The following TMEM132B variants were observed in gnomAD, a reference collection of about 807,000 sequenced individuals.
TMEM132B encodes the protein transmembrane protein 132B.
TMEM132B carries 18 observed loss-of-function variants against 90.8 expected under a neutral mutation model. The observed-to-expected ratio is 0.20, with a 90% CI of 0.14 to 0.29. The LOEUF (loss-of-function observed/expected upper bound fraction) is 0.29. TMEM132B is among the 10% of genes least tolerant of loss of function. The probability of loss-of-function intolerance (pLI) is 1.00; values close to 1 mark genes in which losing one functional copy is unlikely to be tolerated. For synonymous variants in TMEM132B, 504 were observed against 523.3 expected (o/e 0.96, Z 0.50); for missense variants, 1,096 against 1,326.8 (o/e 0.83, Z 2.70).
At chr12:125,295,320 G>A (rs1486858524) in intron 1 of TMEM132B, among the ~76,000 whole-genome samples, 4 of 152,168 alleles carry the variant, frequency 2.6e-5, no homozygotes, top group Non-Finnish European at 5.9e-5. Flanking sequence ...TGAGATGTTC[G>A]AGGGAAGGTC....
intron 2 of TMEM132B, among the ~76,000 whole-genome samples, chr12:125,390,308 A>G (rs191614481): frequency 1.9e-3 from 289 of 152,382 alleles, no homozygotes; most frequent in Non-Finnish European, 3.2e-3. Context: ...AACTACTGCT[A>G]TATGCAATAG....
At chr12:125,425,021 C>T (rs534165189) in intron 3 of TMEM132B, among the ~76,000 whole-genome samples, 3 of 151,708 alleles carry the variant, frequency 2.0e-5, no homozygotes, top group South Asian at 2.1e-4. Flanking sequence ...TTGGGATATG[C>T]GAGTCCAGCA....
intron 4 of TMEM132B, among the ~76,000 whole-genome samples, chr12:125,541,860 A>G (rs1210218255): frequency 6.6e-6 from 1 of 151,610 alleles, no homozygotes; most frequent in Admixed American, 6.6e-5. Context: ...TCTACTAAAA[A>G]AAAATATATA....
At chr12:125,441,348 A>G (rs1880864146) in intron 3 of TMEM132B, among the ~76,000 whole-genome samples, 1 of 152,250 alleles carries the variant, frequency 6.6e-6, no homozygotes, top group South Asian at 2.1e-4. Flanking sequence ...TATGATTAAT[A>G]TGCAAACAAA....
At chr12:125,512,044 G>C (rs1882995948) in intron 3 of TMEM132B, among the ~76,000 whole-genome samples, 1 of 152,060 alleles carries the variant, frequency 6.6e-6, no homozygotes, top group South Asian at 2.1e-4. Context: ...AGTGGAAATA[G>C]GTACGTGAAT....
At chr12:125,449,108 A>C (rs1283840662) in intron 3 of TMEM132B, among the ~76,000 whole-genome samples, 1 of 151,632 alleles carries the variant, frequency 6.6e-6, no homozygotes, top group Non-Finnish European at 1.5e-5. Flanking sequence ...CTGGGACTAC[A>C]GGCGCCCACC....
chr12:125,397,097 A>G (rs1263714276), intron 2 of TMEM132B, among the ~76,000 whole-genome samples: 2 of 151,282 alleles, frequency 1.3e-5, no homozygotes, highest in Admixed American at 6.6e-5. Context: ...TCAGCCTCCC[A>G]GTTAGCTGGG....
At chr12:125,541,898 A>G (rs554657767) in intron 4 of TMEM132B, among the ~76,000 whole-genome samples, 1 of 151,796 alleles carries the variant, frequency 6.6e-6, no homozygotes, top group South Asian at 2.1e-4. Context: ...GGTGGCGGGC[A>G]CCTGTAGTCC....
intron 3 of TMEM132B, among the ~76,000 whole-genome samples, chr12:125,496,082 G>A (rs2136581677): frequency 6.6e-6 from 1 of 152,208 alleles, no homozygotes; most frequent in South Asian, 2.1e-4. Context: ...CAATCCTGTG[G>A]GCTCTTCACT....
intron 4 of TMEM132B, among the ~76,000 whole-genome samples, chr12:125,572,549 T>C (rs1463547695): frequency 6.6e-6 from 1 of 152,234 alleles, no homozygotes; most frequent in Non-Finnish European, 1.5e-5. Flanking sequence ...TTACCCAGTC[T>C]GTGGCATTCT....
intron 5 of TMEM132B, among the ~76,000 whole-genome samples, chr12:125,633,668 G>GA (rs1391620387): frequency 1.3e-5 from 2 of 150,876 alleles, no homozygotes; most frequent in African/African-American, 4.8e-5. Context: ...GTTTCTTGCA[G>GA]ACGCATAGTG....
intron 5 of TMEM132B, among the ~76,000 whole-genome samples, chr12:125,628,643 C>T (rs1340414537): frequency 6.6e-6 from 1 of 152,056 alleles, no homozygotes; most frequent in East Asian, 1.9e-4. Context: ...GCAGAAGCCT[C>T]TTAACTTGAT....
In TMEM132B at chr12:125,377,226, C is replaced by T. The variant is rs79087736; in HGVS notation, c.959+26883C>T. Among the ~76,000 whole-genome samples the T allele has an allele frequency of 2.3e-4, 35 of 152,254 alleles. 1 individual carries two copies. The highest frequency in any genetic ancestry group is 5.2e-4 in the Admixed American group (8 of 15,296). ...TTACTTCAGTTGATGGGGAACTGCT[C>T]CTAGGGGCATGAAATGGAGAGAGTT... On this transcript the variant is annotated intron_variant, in intron 2 of 8. Coordinates refer to ENST00000682704, the MANE Select transcript of TMEM132B (RefSeq NM_001366854.1).
chr12:125,336,815 G>A (rs1876977318), intron 1 of TMEM132B, among the ~76,000 whole-genome samples: 1 of 152,214 alleles, frequency 6.6e-6, no homozygotes, highest in African/African-American at 2.4e-5. Flanking sequence ...CTCCAGCCCA[G>A]GTGTCTGTCT....
intron 5 of TMEM132B, among the ~76,000 whole-genome samples, chr12:125,624,677 A>C (rs1886186848): frequency 6.6e-6 from 1 of 152,102 alleles, no homozygotes; most frequent in African/African-American, 2.4e-5. Context: ...AAAAATTGCT[A>C]CTCAAATTTA....
intron 1 of TMEM132B, among the ~76,000 whole-genome samples, chr12:125,249,371 C>T (rs901597399): frequency 2.0e-5 from 3 of 152,104 alleles, no homozygotes; most frequent in Non-Finnish European, 4.4e-5. Context: ...TGAGAACCAC[C>T]GAGTGAAACA....
intron 3 of TMEM132B, among the ~76,000 whole-genome samples, chr12:125,507,414 G>C (rs1043547980): frequency 6.6e-6 from 1 of 152,138 alleles, no homozygotes; most frequent in Non-Finnish European, 1.5e-5. Flanking sequence ...TATGTTTGAT[G>C]GTGCTGTTGA....
At chr12:125,432,621 G>T (rs1237885936) in intron 3 of TMEM132B, among the ~76,000 whole-genome samples, 1 of 149,010 alleles carries the variant, frequency 6.7e-6, no homozygotes, top group Non-Finnish European at 1.5e-5. Context: ...CCTAGCCAAG[G>T]GATGGGGCCT....
At chr12:125,499,817 G>A (rs1296202322) in intron 3 of TMEM132B, among the ~76,000 whole-genome samples, 1 of 152,150 alleles carries the variant, frequency 6.6e-6, no homozygotes, top group Non-Finnish European at 1.5e-5. Flanking sequence ...CATAGGTTAT[G>A]GAAAGATTGT....
Sources: gnomAD v4.1 joint callset for allele counts (sites outside exome capture counted in the v4.1 genomes callset) on GRCh38, gnomAD v4.1.1 for gene constraint, MANE v1.5 for transcripts, NCBI Gene and HGNC (gene_info 2026-07-23, HGNC 2026-07-21) for gene names.